The following TAP2 variants were observed in gnomAD, a reference collection of about 807,000 sequenced individuals.
TAP2 encodes antigen peptide transporter 2.
In TAP2, 49 loss-of-function variants were observed where a neutral mutation model predicts 74.7. The observed-to-expected ratio is 0.66, with a 90% CI of 0.52 to 0.83. The LOEUF is 0.83. Ranked by LOEUF, TAP2 falls within the 40% of genes least tolerant of loss-of-function variation. TAP2 has a pLI of 0.00. For missense variants in TAP2, 739 were observed against 859.0 expected, an observed-to-expected ratio of 0.86 and a Z score of 1.75; for synonymous variants, 306 against 368.4, an observed-to-expected ratio of 0.83 and a Z score of 1.94.
rs1768613789 is a variant in TAP2, at chr6:32,825,837, A to G, written c.*3069T>C. The G allele has an allele frequency of 2.6e-6, 1 of 392,078 alleles. No individual in the cohort carries two copies. Among genetic ancestry groups the G allele is most frequent in the Non-Finnish European group, 3.5e-6 (1 of 288,162 alleles). 24.3% of individuals were successfully genotyped at this position (392,078 alleles called of 1,614,324 possible). A position where few individuals can be genotyped will look rare whatever the true frequency, so the allele number is the denominator to read the frequency against. On this transcript the variant is annotated 3_prime_UTR_variant, in exon 12 of 12. Transcript: ENST00000374897. ...AGCTATGTGACCCAGGCAAGTTAGT[A>G]AATGTTTCTAAAACTCCATTTTCTC...
rs1475737234 is a variant in TAP2 at position 32,828,404 on chromosome 6, T to G, written c.*502A>C. ...GGCAATCTCATGAATATTTATGTCA[T>G]TTTTGGTTAATTTCTATCTCAAACA... is the stretch of plus-strand genomic sequence containing the variant. On this transcript the variant is annotated 3_prime_UTR_variant, in exon 12 of 12. Transcript: ENST00000374897. The G allele has an allele frequency of 1.0e-6, 1 of 985,772 alleles. No homozygotes were observed. The highest frequency in any genetic ancestry group is 1.2e-6 in the Non-Finnish European group (1 of 830,286). The allele number at this position is 985,772 out of a possible 1,614,324, so 61.1% of individuals were successfully genotyped here. A position where few individuals can be genotyped will look rare whatever the true frequency, so the allele number is the denominator to read the frequency against.
chr6:32,832,298 G>C lies in TAP2; in HGVS notation c.1272+35C>G, dbSNP rs780859166. On this transcript the variant is annotated intron_variant, in intron 7 of 11. Transcript: ENST00000374897. The surrounding 1 kb of genome is among the most constrained non-coding windows in gnomAD (Gnocchi z 5.9). ...CAGGAGTCCACAAAGAAAAAGAGAG[G>C]GAAAAAAGGAGAGCAGGCTTGGCTT... The C allele has an allele frequency of 6.2e-7, 1 of 1,612,818 alleles. No homozygotes were observed. Among genetic ancestry groups the C allele is most frequent in the Non-Finnish European group, 8.5e-7 (1 of 1,179,968 alleles).
chr6:32,824,545 C>T (rs1272150502), downstream of TAP2, among the ~76,000 whole-genome samples: 2 of 152,042 alleles, frequency 1.3e-5, no homozygotes, highest in African/African-American at 4.8e-5. Context: ...TATTTACATT[C>T]GTTTCTGTTA....
chr6:32,825,569 CTG>C lies in TAP2; in HGVS notation c.*3335_*3336del. The C allele has an allele frequency of 6.6e-6, 1 of 152,316 alleles. No homozygotes were observed. The highest frequency in any genetic ancestry group is 1.9e-4 in the East Asian group (1 of 5,190). The allele number at this position is 152,316 out of a possible 1,614,324, so 9.4% of individuals were successfully genotyped here. A position where few individuals can be genotyped will look rare whatever the true frequency, so the allele number is the denominator to read the frequency against. On this transcript the variant is annotated 3_prime_UTR_variant, in exon 12 of 12. Transcript: ENST00000374897. ...CTTCTCTGGAAAGATAAACACAAAGCTGGAAGAACGGATTGCCTATGCAAGAG... is the reference window on the plus strand; with the variant it reads ...CTTCTCTGGAAAGATAAACACAAAGCGAAGAACGGATTGCCTATGCAAGAG...
At chr6:32,837,104 G>A (rs1871664) in intron 3 of TAP2, among the ~76,000 whole-genome samples, 93,522 of 151,760 alleles carry the variant, frequency 0.62, 29,386 homozygotes, top group East Asian at 0.73. Flanking sequence ...TTCAGGGACT[G>A]GCAAGATGAG....
Position 32,828,676 on chromosome 6 carries a change from C to CCG in TAP2, c.*229_*230insCG. On this transcript the variant is annotated 3_prime_UTR_variant, in exon 12 of 12. Transcript: ENST00000374897. ...AATTAAGTTTCCTGGACACAGACAG[C>CCG]CCCCACCCCACCCCACCCCACCTCT... The CCG allele has an allele frequency of 1.2e-6, 1 of 802,752 alleles. No individual in the cohort carries two copies. The highest frequency in any genetic ancestry group is 1.5e-6 in the Non-Finnish European group (1 of 680,836). The allele number at this position is 802,752 out of a possible 1,614,324, so 49.7% of individuals were successfully genotyped here. A position where few individuals can be genotyped will look rare whatever the true frequency, so the allele number is the denominator to read the frequency against.
At chr6:32,829,664 C>G in intron 10 of TAP2, 128 bp from the exon 11 acceptor site, 1 of 1,455,918 alleles carries the variant, frequency 6.9e-7, no homozygotes, top group East Asian at 2.3e-5. Context: ...GCGGGGAGGG[C>G]CCAGTGGGAG....
Position 32,826,948 on chromosome 6 carries a change from G to T in TAP2, c.*1958C>A. On this transcript the variant is annotated 3_prime_UTR_variant, in exon 12 of 12. Transcript: ENST00000374897. ...ACATTTGTGGGAGAGAAAGGAATCA[G>T]GCCAGAGTTCTTTCTCTCCAAATGC... The T allele has an allele frequency of 1.0e-6, 1 of 985,372 alleles. No individual in the cohort carries two copies. Among genetic ancestry groups the T allele is most frequent in the Non-Finnish European group, 1.2e-6 (1 of 829,912 alleles). 61.0% of individuals were successfully genotyped at this position (985,372 alleles called of 1,614,324 possible).
chr6:32,835,601 G>A lies in TAP2; in HGVS notation c.739+42C>T. On this transcript the variant is annotated intron_variant, in intron 4 of 11. Transcript: ENST00000374897. This position sits in a 1 kb window ranked among gnomAD's most constrained non-coding sequence, Gnocchi z 4.0. The stretch of plus-strand genomic sequence containing the variant: ...TGGGTGGAAGGTCACTGAGGGGCAA[G>A]GGATGTCCATGGGAATCTCAGACCT... 3 of 1,612,828 alleles carry A rather than the reference G, an allele frequency of 1.9e-6. No individual in the cohort carries two copies. In the South Asian group the frequency reaches 3.3e-5, roughly 18 times the overall value.
downstream of TAP2, among the ~76,000 whole-genome samples, chr6:32,823,886 C>A (rs60155930): frequency 0.066 from 10,050 of 152,102 alleles, 649 homozygotes; most frequent in African/African-American, 0.17. Context: ...ATATAATACA[C>A]TTAGTTCCCT....
downstream of TAP2, chr6:32,822,406 A>AT (rs1332060829): frequency 4.5e-6 from 4 of 881,924 alleles, no homozygotes; most frequent in Admixed American, 1.1e-4. Context: ...TTTATTTAGG[A>AT]TTTTTGTGTC....
In TAP2 at chr6:32,835,740, G is replaced by A. The variant is rs1562336410; in HGVS notation, c.642C>T (p.Phe214=). 6.2e-7 allele frequency: 1 copy of A among 1,613,130 alleles called. No individual in the cohort carries two copies. The highest frequency in any genetic ancestry group is 1.1e-5 in the South Asian group (1 of 91,076). ...SLSAGCRGGC[F]TYTMSRINLR... ...AGTTGATTCGAGACATGGTGTAGGT[G>A]AAGCAGCCTCCTCGGCAGCCTGCAG... The change falls in exon 4 of 12, where the codon TTC becomes TTT. Residue 214 remains phenylalanine, a synonymous_variant. Transcript: ENST00000374897. The surrounding 1 kb of genome is among the most constrained non-coding windows in gnomAD (Gnocchi z 4.0).
At chr6:32,836,720 G>A (rs1296402757) in intron 3 of TAP2, among the ~76,000 whole-genome samples, 1 of 152,174 alleles carries the variant, frequency 6.6e-6, no homozygotes, top group African/African-American at 2.4e-5. Flanking sequence ...GTAAAAATAT[G>A]GTATTATAAT....
chr6:32,829,913 C>G lies in TAP2; in HGVS notation c.1795+17G>C. ...CTTTTTTACTGAAGGAGCAAGCTTA[C>G]AATTTGTAGAAGATACCTGTGTATA... On this transcript the variant is annotated intron_variant, in intron 10 of 11. Transcript: ENST00000374897. The G allele has an allele frequency of 6.2e-7, 1 of 1,613,040 alleles. No homozygotes were observed. The highest frequency in any genetic ancestry group is 8.5e-7 in the Non-Finnish European group (1 of 1,179,984).
Position 32,830,041 on chromosome 6 carries a change from T to C in TAP2, c.1684A>G (p.Asn562Asp). 6.2e-7 allele frequency: 1 copy of C among 1,613,036 alleles called. No homozygotes were observed. The highest frequency in any genetic ancestry group is 8.5e-7 in the Non-Finnish European group (1 of 1,180,010). ...EPVLFSGSVR[N>D]NIAYGLQSCE... ...CTCTGCAGCCCATAAGCAATGTTGT[T>C]CCTCACAGAACCGGAGAACAGCACA... Residue 562 changes from asparagine (N) to aspartate (D), a missense_variant, in exon 10 of 12, where the codon AAC (asparagine) becomes GAC (aspartate). By Grantham distance (23) the Asn-to-Asp change is conservative. Coordinates refer to ENST00000374897, the MANE Select transcript of TAP2 (RefSeq NM_001290043.2).
downstream of TAP2, chr6:32,822,322 G>GA (rs61021012): frequency 0.083 from 92,881 of 1,113,954 alleles, 340 homozygotes; most frequent in East Asian, 0.1. Context: ...GGGTTTTCTA[G>GA]AAAAAAAAAA....
At position 32,826,100 on chromosome 6, in the gene TAP2, T is replaced by C. The variant is rs1299856054; in HGVS notation, c.*2806A>G. The stretch of plus-strand genomic sequence containing the variant: ...CAGGTGCTCCTCTAGCTGACAGCTC[T>C]AAAACACAAGGAAGATCTTTGTTTT... On this transcript the variant is annotated 3_prime_UTR_variant, in exon 12 of 12. Coordinates refer to ENST00000374897, the MANE Select transcript of TAP2 (RefSeq NM_001290043.2). The C allele has an allele frequency of 2.0e-6, 2 of 985,476 alleles. No homozygotes were observed. The highest frequency in any genetic ancestry group is 3.5e-5 in the African/African-American group (2 of 57,376). The allele number at this position is 985,476 out of a possible 1,614,324, so 61.0% of individuals were successfully genotyped here. A position where few individuals can be genotyped will look rare whatever the true frequency, so the allele number is the denominator to read the frequency against.
At position 32,829,418 on chromosome 6, in the gene TAP2, A is replaced by C. The variant is rs1768896396; in HGVS notation, c.1914T>G (p.Asp638Glu). The change falls in exon 11 of 12, where the codon GAT (aspartate) becomes GAG (glutamate). Residue 638 changes from aspartate to glutamate, a missense_variant. Coordinates refer to ENST00000374897, the MANE Select transcript of TAP2 (RefSeq NM_001290043.2). ...TACTCACGGCCTGCTCGCACTGCACATCTAGGGCACTAGTAGCCTCATCCA... is the reference window on the plus strand; with the variant it reads ...TACTCACGGCCTGCTCGCACTGCACCTCTAGGGCACTAGTAGCCTCATCCA... ...LILDEATSALDVQCEQALQDW... is the reference protein window; with the variant it reads ...LILDEATSALEVQCEQALQDW... 2 of 1,606,468 alleles carry C rather than the reference A, an allele frequency of 1.2e-6. No homozygotes were observed. The highest frequency in any genetic ancestry group is 1.7e-6 in the Non-Finnish European group (2 of 1,176,250).
At position 32,835,390 on chromosome 6, in the gene TAP2, G is replaced by A. The variant is rs775992439; in HGVS notation, c.740-31C>T. Reference sequence around the variant, plus strand: ...AAGGACAGAGCAGGTGAGGAAAAAGGAAACCATGTGTACTGCAGGGCCCCC... The same window carrying A: ...AAGGACAGAGCAGGTGAGGAAAAAGAAAACCATGTGTACTGCAGGGCCCCC... On this transcript the variant is annotated intron_variant, in intron 4 of 11. Transcript: ENST00000374897. The surrounding 1 kb of genome is among the most constrained non-coding windows in gnomAD (Gnocchi z 4.0). The A allele has an allele frequency of 9.9e-6, 16 of 1,611,308 alleles. No individual in the cohort carries two copies. Among genetic ancestry groups the A allele is most frequent in the Admixed American group, 1.7e-5 (1 of 59,966 alleles).
Sources: gnomAD v4.1 joint callset for allele counts (sites outside exome capture counted in the v4.1 genomes callset) on GRCh38, gnomAD v4.1.1 for gene constraint, Gnocchi (gnomAD v3.1) non-coding constraint, MANE v1.5 for transcripts, NCBI Gene and HGNC (gene_info 2026-07-23, HGNC 2026-07-21) for gene names.